The following HECW2 variants were observed in gnomAD, a reference collection of about 807,000 sequenced individuals.
The protein encoded by HECW2 is E3 ubiquitin-protein ligase HECW2.
Under a neutral mutation model 175.2 loss-of-function variants are expected in HECW2, and 61 were observed. The ratio of observed to expected loss-of-function variants is 0.35; its 90% CI spans 0.28 to 0.43. HECW2 has a LOEUF of 0.43. HECW2 is among the 20% of genes least tolerant of loss of function. The probability of loss-of-function intolerance (pLI) is 1.00; values close to 1 mark genes in which losing one functional copy is unlikely to be tolerated. For missense variants in HECW2, 1,524 were observed against 2,000.5 expected (o/e 0.76, Z 4.54); for synonymous variants, 671 against 731.0 (o/e 0.92, Z 1.32).
chr2:196,418,175 C>T (rs968635300), intron 2 of HECW2, among the ~76,000 whole-genome samples: 4 of 151,774 alleles, frequency 2.6e-5, no homozygotes, highest in African/African-American at 9.7e-5. Context: ...GTTGCCCAGG[C>T]TGGAGTGCAG....
chr2:196,518,611 C>T (rs1042269665), intron 1 of HECW2, among the ~76,000 whole-genome samples: 18 of 145,216 alleles, frequency 1.2e-4, no homozygotes, highest in South Asian at 4.4e-4. Context: ...GCTGAGATTG[C>T]GCCACTGCAC....
At chr2:196,277,611 C>G (rs1175818053) in intron 15 of HECW2, among the ~76,000 whole-genome samples, 1 of 152,106 alleles carries the variant, frequency 6.6e-6, no homozygotes, top group African/African-American at 2.4e-5. Context: ...TTTGACCCAG[C>G]CATCCCATTA....
intron 23 of HECW2, among the ~76,000 whole-genome samples, chr2:196,224,341 A>G (rs1341472577): frequency 1.3e-5 from 2 of 152,112 alleles, no homozygotes; most frequent in Non-Finnish European, 2.9e-5. Flanking sequence ...TGACCATGTG[A>G]GGCTACACCT....
intron 2 of HECW2, among the ~76,000 whole-genome samples, chr2:196,428,859 A>C (rs2889222): frequency 0.95 from 144,288 of 152,242 alleles, 68,480 homozygotes; most frequent in East Asian, 1. Flanking sequence ...TCTATTAGGA[A>C]CAACTGCAGG....
At chr2:196,302,253 G>GT (rs755616137) in intron 13 of HECW2, among the ~76,000 whole-genome samples, 1 of 152,084 alleles carries the variant, frequency 6.6e-6, no homozygotes, top group East Asian at 1.9e-4. Context: ...CTATGTGTCT[G>GT]TTTTTGTATC....
In HECW2 at chr2:196,338,797, T is replaced by C. The variant is rs547647602; in HGVS notation, c.401-4279A>G. 1.1e-4 allele frequency among the ~76,000 whole-genome samples: 16 copies of C among 152,362 alleles called. No individual in the cohort carries two copies. The South Asian group carries it at 3.1e-3, about 30-fold the overall frequency. ...GAATAATCTTAAAGAATCAAGCTAA[T>C]CGTAATTTATTCTAGAACATGACTT... On this transcript the variant is annotated intron_variant, in intron 3 of 28. Transcript: ENST00000644978.
At chr2:196,498,144 G>A (rs1044464743) in intron 1 of HECW2, among the ~76,000 whole-genome samples, 1 of 152,052 alleles carries the variant, frequency 6.6e-6, no homozygotes, top group Non-Finnish European at 1.5e-5. Context: ...CAACTAACCA[G>A]TAAGGTAAAA....
intron 18 of HECW2, among the ~76,000 whole-genome samples, chr2:196,254,740 AAT>A (rs2105916134): frequency 6.6e-6 from 1 of 152,372 alleles, no homozygotes; most frequent in South Asian, 2.1e-4. Context: ...AAGCCCAGAC[AAT>A]ATGAGAGTTC....
intron 3 of HECW2, among the ~76,000 whole-genome samples, chr2:196,335,366 A>AGTCACTGAAGT (rs1692513512): frequency 1.3e-5 from 2 of 152,240 alleles, no homozygotes; most frequent in African/African-American, 2.4e-5. Context: ...AAAGCGTCTG[A>AGTCACTGAAGT]GTCACTGAAG....
rs774666555 is a variant in HECW2, at chr2:196,319,785, T to C, written c.1105A>G (p.Asn369Asp). ...GSHHDSQVCS[N>D]GPVSEDSAAD... ...GCACTGTCCTCAGAAACTGGCCCAT[T>C]AGAGCACACCTGGCTGTCGTGATGG... is the stretch of plus-strand genomic sequence containing the variant. Residue 369 changes from asparagine to aspartate, a missense_variant, in exon 9 of 29, where the codon AAT becomes GAT. Physicochemically the swap from Asn to Asp is conservative, Grantham distance 23. This residue lies in a region of HECW2 where 604 missense variants were observed against 588.3 expected (regional missense o/e 1.03). Transcript: ENST00000644978. 5.0e-6 allele frequency: 8 copies of C among 1,614,182 alleles called. No homozygotes were observed. The highest frequency in any genetic ancestry group is 3.3e-4 in the Middle Eastern group (2 of 6,062).
At chr2:196,523,447 C>A (rs1282822996) in intron 1 of HECW2, among the ~76,000 whole-genome samples, 1 of 151,714 alleles carries the variant, frequency 6.6e-6, no homozygotes, top group African/African-American at 2.4e-5. Flanking sequence ...TTCCTCTTTT[C>A]CTAATTGAAT....
At position 196,542,875 on chromosome 2, in the gene HECW2, T is replaced by C. The variant is rs998977528; in HGVS notation, c.-36+50633A>G. Among the ~76,000 whole-genome samples the C allele has an allele frequency of 4.1e-5, 6 of 147,346 alleles. No individual in the cohort carries two copies. In the South Asian group the frequency reaches 8.6e-4, roughly 21 times the overall value. On this transcript the variant is annotated intron_variant, in intron 1 of 28. Coordinates refer to ENST00000644978, the MANE Select transcript of HECW2 (RefSeq NM_001348768.2). ...AAATATAGGTATTACATATCTAATA[T>C]ATATCTATATATAGGTATATCTAAT...
At chr2:196,582,250 G>A (rs116183317) in intron 1 of HECW2, among the ~76,000 whole-genome samples, 1,833 of 151,996 alleles carry the variant, frequency 0.012, 40 homozygotes, top group African/African-American at 0.042. Flanking sequence ...ATTCAATTTC[G>A]GTAGCCACCA....
chr2:196,325,504 T>A (rs1461583406), intron 5 of HECW2, among the ~76,000 whole-genome samples: 2 of 152,320 alleles, frequency 1.3e-5, no homozygotes, highest in Non-Finnish European at 2.9e-5. Context: ...ACTCTTTTGA[T>A]TCCAACATGT....
At chr2:196,323,673 T>C (rs1489220374) in intron 6 of HECW2, among the ~76,000 whole-genome samples, 1 of 152,184 alleles carries the variant, frequency 6.6e-6, no homozygotes, top group East Asian at 1.9e-4. Context: ...AAGCTTCAAT[T>C]TCTTAATCAC....
At chr2:196,523,711 T>A (rs1390914407) in intron 1 of HECW2, among the ~76,000 whole-genome samples, 1 of 151,594 alleles carries the variant, frequency 6.6e-6, no homozygotes, top group Non-Finnish European at 1.5e-5. Flanking sequence ...GTCAAAGGCT[T>A]TTTCTGCATC....
intron 10 of HECW2, among the ~76,000 whole-genome samples, chr2:196,310,577 C>A (rs1186790030): frequency 4.6e-5 from 7 of 152,062 alleles, no homozygotes; most frequent in Non-Finnish European, 1.0e-4. Flanking sequence ...TTATATTGGG[C>A]CTGGTTTGTT....
Position 196,366,992 on chromosome 2 carries a change from A to T in HECW2, c.293-23228T>A, listed in dbSNP as rs573340863. On this transcript the variant is annotated intron_variant, in intron 2 of 28. Coordinates refer to ENST00000644978, the MANE Select transcript of HECW2 (RefSeq NM_001348768.2). ...GTAAAATTATTTTATCTGTGTATAT[A>T]TATGTTGTTTCTGTCTGTAAAATGG... 6.8e-4 allele frequency among the ~76,000 whole-genome samples: 103 copies of T among 152,334 alleles called. 1 individual carries two copies. The highest frequency in any genetic ancestry group is 9.1e-4 in the Admixed American group (14 of 15,302).
chr2:196,570,478 A>T (rs1690345186), intron 1 of HECW2, among the ~76,000 whole-genome samples: 1 of 151,972 alleles, frequency 6.6e-6, no homozygotes, highest in African/African-American at 2.4e-5. Flanking sequence ...GCATGTTCTC[A>T]CTCATAGGTG....
Sources: gnomAD v4.1 joint callset for allele counts (sites outside exome capture counted in the v4.1 genomes callset) on GRCh38, gnomAD v4.1.1 for gene constraint, gnomAD v4.1.1 regional missense constraint, MANE v1.5 for transcripts, NCBI Gene and HGNC (gene_info 2026-07-23, HGNC 2026-07-21) for gene names.